The following PLCB1 variants were observed in gnomAD, a reference collection of about 807,000 sequenced individuals.
PLCB1 encodes 1-phosphatidylinositol 4,5-bisphosphate phosphodiesterase beta-1.
PLCB1 carries 46 observed loss-of-function variants against 161.8 expected under a neutral mutation model. The ratio of observed to expected loss-of-function variants is 0.28; its 90% confidence interval spans 0.22 to 0.36. PLCB1 has a LOEUF of 0.36. Among genes scored for constraint, PLCB1 ranks in the 10% least tolerant of loss-of-function variants. The pLI is 1.00. For synonymous variants in PLCB1, 517 were observed against 503.7 expected (o/e 1.03, Z -0.35); for missense variants, 1,016 against 1,472.5 (o/e 0.69, Z 5.07).
At chr20:8,687,135 C>T (rs1260193490) in intron 10 of PLCB1, among the ~76,000 whole-genome samples, 1 of 151,684 alleles carries the variant, frequency 6.6e-6, no homozygotes, top group Non-Finnish European at 1.5e-5. Flanking sequence ...AAGCAATCCT[C>T]CCACCTCAGC....
chr20:8,861,571 A>C (rs1359317637), intron 31 of PLCB1, among the ~76,000 whole-genome samples: 1 of 152,110 alleles, frequency 6.6e-6, no homozygotes, highest in Non-Finnish European at 1.5e-5. Context: ...CTCTACTAAA[A>C]ATACAAAAAT....
intron 2 of PLCB1, among the ~76,000 whole-genome samples, chr20:8,335,871 G>A (rs1985555141): frequency 6.6e-6 from 1 of 152,122 alleles, no homozygotes; most frequent in Non-Finnish European, 1.5e-5. Context: ...GAAGTTATTA[G>A]CCAAGAAAAA....
chr20:8,802,529 T>C (rs922753378), intron 31 of PLCB1: 4 of 210,810 alleles, frequency 1.9e-5, no homozygotes, highest in African/African-American at 9.3e-5. Flanking sequence ...AAACATTTTT[T>C]TTTCCATTTC....
rs183607290 is a variant in PLCB1 at position 8,571,046 on chromosome 20, G to A, written c.247-57248G>A. The stretch of plus-strand genomic sequence containing the variant: ...AAGTGGAATGGAATAAAGAGAGTGT[G>A]GAATGGTATGTAGGCACCAGGTCAT... On this transcript the variant is annotated intron_variant, in intron 3 of 31. Coordinates refer to ENST00000338037, the MANE Select transcript of PLCB1 (RefSeq NM_015192.4). Among the ~76,000 whole-genome samples, 40 of 152,302 alleles carry A rather than the reference G, an allele frequency of 2.6e-4. No homozygotes were observed. The East Asian group carries it at 6.9e-3, about 26-fold the overall frequency.
At chr20:8,199,774 C>T (rs571796393) in intron 2 of PLCB1, among the ~76,000 whole-genome samples, 6 of 152,076 alleles carry the variant, frequency 3.9e-5, no homozygotes, top group South Asian at 2.1e-4. Flanking sequence ...GATCTTTGTA[C>T]GTACTAATAT....
At chr20:8,813,299 C>T (rs1429716612) in intron 31 of PLCB1, among the ~76,000 whole-genome samples, 2 of 152,174 alleles carry the variant, frequency 1.3e-5, no homozygotes, top group Admixed American at 1.3e-4. Context: ...CCTTTAAACT[C>T]ACATTTTTTT....
At chr20:8,783,278 T>G (rs1983325884) in intron 27 of PLCB1, among the ~76,000 whole-genome samples, 1 of 152,252 alleles carries the variant, frequency 6.6e-6, no homozygotes, top group South Asian at 2.1e-4. Flanking sequence ...AATTTTTGCT[T>G]CTTCTCTACC....
At chr20:8,860,845 CTAAG>C (rs1438698537) in intron 31 of PLCB1, among the ~76,000 whole-genome samples, 2 of 152,154 alleles carry the variant, frequency 1.3e-5, no homozygotes, top group African/African-American at 4.8e-5. Flanking sequence ...TGATTTGAAA[CTAAG>C]TAATTTCAAT....
At chr20:8,612,490 C>T (rs1316142195) in intron 3 of PLCB1, among the ~76,000 whole-genome samples, 1 of 152,114 alleles carries the variant, frequency 6.6e-6, no homozygotes, top group Admixed American at 6.6e-5. Flanking sequence ...AGTAAAATTC[C>T]AGAGGTTTCA....
intron 7 of PLCB1, among the ~76,000 whole-genome samples, chr20:8,653,858 C>G (rs944333893): frequency 1.3e-5 from 2 of 151,904 alleles, no homozygotes; most frequent in South Asian, 4.1e-4. Flanking sequence ...TTTGCTCAAC[C>G]CAGGACCTTA....
intron 2 of PLCB1, among the ~76,000 whole-genome samples, chr20:8,250,769 A>C (rs1371717481): frequency 6.6e-6 from 1 of 151,982 alleles, no homozygotes. Flanking sequence ...GATGCATTTC[A>C]TCTTACTTTG....
At chr20:8,608,003 T>C (rs564671522) in intron 3 of PLCB1, among the ~76,000 whole-genome samples, 26 of 152,248 alleles carry the variant, frequency 1.7e-4, no homozygotes, top group African/African-American at 6.0e-4. Context: ...CATATATATA[T>C]ACAATTTTTA....
At chr20:8,227,435 C>T (rs1979756435) in intron 2 of PLCB1, among the ~76,000 whole-genome samples, 1 of 152,166 alleles carries the variant, frequency 6.6e-6, no homozygotes, top group African/African-American at 2.4e-5. Context: ...CTGGTTTCCT[C>T]TCAATCCACC....
intron 2 of PLCB1, among the ~76,000 whole-genome samples, chr20:8,299,437 G>A (rs1219442165): frequency 6.6e-6 from 1 of 151,948 alleles, no homozygotes; most frequent in African/African-American, 2.4e-5. Flanking sequence ...TCAGGCCCAG[G>A]CACTCTCCCA....
chr20:8,197,543 T>C (rs987123347), intron 2 of PLCB1, among the ~76,000 whole-genome samples: 10 of 152,332 alleles, frequency 6.6e-5, no homozygotes, highest in African/African-American at 2.4e-4. Flanking sequence ...GAGTTCATTG[T>C]AGATTCTGGA....
At chr20:8,371,662 C>T in intron 3 of PLCB1, 1 of 399,004 alleles carries the variant, frequency 2.5e-6, no homozygotes. Context: ...GCTTTATGTC[C>T]TCTAATTTTG....
intron 31 of PLCB1, among the ~76,000 whole-genome samples, chr20:8,871,823 T>C (rs1987619391): frequency 6.6e-6 from 1 of 152,212 alleles, no homozygotes; most frequent in Admixed American, 6.5e-5. Context: ...TTTTCTCTCT[T>C]TTTAAAAATG....
At chr20:8,714,392 AGCAG>A (rs1455841707) in intron 12 of PLCB1, among the ~76,000 whole-genome samples, 7 of 152,178 alleles carry the variant, frequency 4.6e-5, no homozygotes, top group African/African-American at 1.7e-4. Flanking sequence ...TCTTATCAGC[AGCAG>A]CCACAGAGCA....
At chr20:8,834,793 C>A (rs577513850) in intron 31 of PLCB1, among the ~76,000 whole-genome samples, 1 of 115,290 alleles carries the variant, frequency 8.7e-6, no homozygotes, top group African/African-American at 3.3e-5. Context: ...CCAGCCTGGG[C>A]GATAGACTCT....
Sources: gnomAD v4.1 joint callset for allele counts (sites outside exome capture counted in the v4.1 genomes callset) on GRCh38, gnomAD v4.1.1 for gene constraint, MANE v1.5 for transcripts, NCBI Gene and HGNC (gene_info 2026-07-23, HGNC 2026-07-21) for gene names.